Variants in VSTM2L observed in about 807,000 individuals in gnomAD.
VSTM2L encodes the protein V-set and transmembrane domain containing 2 like, also known as V-set and transmembrane domain-containing protein 2-like protein.
VSTM2L carries 9 observed loss-of-function variants against 19.9 expected under a neutral mutation model. The ratio of observed to expected loss-of-function variants is 0.45; its 90% CI spans 0.27 to 0.79. The LOEUF is 0.79. VSTM2L is among the 30% of genes least tolerant of loss of function. The pLI is 0.15. For synonymous variants in VSTM2L, 127 were observed against 133.8 expected (o/e 0.95, Z 0.35); for missense variants, 286 against 295.5 (o/e 0.97, Z 0.24).
chr20:37,922,863 G>C (rs1423021980), intron 1 of VSTM2L, among the ~76,000 whole-genome samples: 1 of 151,780 alleles, frequency 6.6e-6, no homozygotes, highest in African/African-American at 2.4e-5. Flanking sequence ...TGAGCACAGA[G>C]AAGAGCTAGA....
At position 37,931,285 on chromosome 20, in the gene VSTM2L, C is replaced by T. The variant is rs533945224; in HGVS notation, c.122-350C>T. ...AAGAACCTGGAAGAGCTGATGGAAG[C>T]GGCAGCTCCTCCCTGGCCTTCTTGC... is the stretch of plus-strand genomic sequence containing the variant. On this transcript the variant is annotated intron_variant, in intron 1 of 3. Coordinates refer to ENST00000373461, the MANE Select transcript of VSTM2L (RefSeq NM_080607.3). 6.6e-5 allele frequency among the ~76,000 whole-genome samples: 10 copies of T among 152,280 alleles called. No individual in the cohort carries two copies. In the East Asian group the frequency reaches 9.6e-4, roughly 15 times the overall value.
At chr20:37,943,919 C>CGGGGGGGGGGGG in intron 3 of VSTM2L, 62 bp from the exon 4 acceptor site, 1 of 518,966 alleles carries the variant, frequency 1.9e-6, no homozygotes, top group Non-Finnish European at 2.7e-6. Flanking sequence ...CCCCCCCCCC[C>CGGGGGGGGGGGG]GACTCTTCTT....
chr20:37,918,428 G>GA (rs1288587014), intron 1 of VSTM2L, among the ~76,000 whole-genome samples: 3 of 152,258 alleles, frequency 2.0e-5, no homozygotes, highest in South Asian at 2.1e-4. Context: ...TTGTTAATGA[G>GA]AAAAAAACGG....
rs774569448 is a variant in VSTM2L, at chr20:37,935,217, TACCCCCAGCCCCCC to T, written c.342+1641_342+1654del. The stretch of plus-strand genomic sequence containing the variant: ...AATGTGCTCAGCATGAATGTGCAAT[TACCCCCAGCCCCCC>T]ACCCCCAGCCCCTGCAATTCCTGCA... On this transcript the variant is annotated intron_variant, in intron 3 of 3. Transcript: ENST00000373461. 3.3e-5 allele frequency among the ~76,000 whole-genome samples: 5 copies of T among 152,166 alleles called. No homozygotes were observed. The East Asian group carries it at 7.7e-4, about 23-fold the overall frequency.
At chr20:37,939,314 G>C (rs570500133) in intron 3 of VSTM2L, among the ~76,000 whole-genome samples, 5 of 151,922 alleles carry the variant, frequency 3.3e-5, no homozygotes, top group African/African-American at 9.7e-5. Flanking sequence ...GTCGGAGGGG[G>C]TGCTGAAGCG....
intron 1 of VSTM2L, among the ~76,000 whole-genome samples, chr20:37,923,093 G>A (rs1023656802): frequency 6.6e-6 from 1 of 152,168 alleles, no homozygotes; most frequent in Admixed American, 6.5e-5. Flanking sequence ...CCTCTCATCA[G>A]CCCTCTCATT....
intron 1 of VSTM2L, among the ~76,000 whole-genome samples, chr20:37,931,048 C>T (rs975915341): frequency 1.3e-5 from 2 of 152,160 alleles, no homozygotes; most frequent in African/African-American, 2.4e-5. Flanking sequence ...AGAAGGAGAA[C>T]AGCCAGAGCA....
At chr20:37,937,378 C>G (rs1323317594) in intron 3 of VSTM2L, among the ~76,000 whole-genome samples, 1 of 152,178 alleles carries the variant, frequency 6.6e-6, no homozygotes, top group Non-Finnish European at 1.5e-5. Flanking sequence ...CCCTTGGTAG[C>G]TTGCATCTGC....
intron 3 of VSTM2L, among the ~76,000 whole-genome samples, chr20:37,937,325 G>A (rs965223118): frequency 1.3e-4 from 20 of 152,062 alleles, no homozygotes; most frequent in African/African-American, 4.1e-4. Context: ...GAATTATCTC[G>A]TTTAACTTGG....
Position 37,944,647 on chromosome 20 carries a change from T to A in VSTM2L, c.*394T>A. ...CCCCCCAGCCTCGCCTCCCTCCTCCTACCATCCCTCACTTGGACCTGGGGG... is the reference window on the plus strand; with the variant it reads ...CCCCCCAGCCTCGCCTCCCTCCTCCAACCATCCCTCACTTGGACCTGGGGG... On this transcript the variant is annotated 3_prime_UTR_variant, in exon 4 of 4. Coordinates refer to ENST00000373461, the MANE Select transcript of VSTM2L (RefSeq NM_080607.3). 1 of 1,011,968 alleles carries A rather than the reference T, an allele frequency of 9.9e-7. No individual in the cohort carries two copies. The highest frequency in any genetic ancestry group is 1.7e-5 in the African/African-American group (1 of 58,476). The allele number at this position is 1,011,968 out of a possible 1,614,324, so 62.7% of individuals were successfully genotyped here. A position where few individuals can be genotyped will look rare whatever the true frequency, so the allele number is the denominator to read the frequency against.
intron 1 of VSTM2L, among the ~76,000 whole-genome samples, chr20:37,910,363 C>G (rs1403459203): frequency 6.6e-6 from 1 of 152,238 alleles, no homozygotes; most frequent in East Asian, 1.9e-4. Context: ...GGGCATCCAA[C>G]AGGCTGCCCT....
At chr20:37,905,149 C>A (rs1019158413) in intron 1 of VSTM2L, among the ~76,000 whole-genome samples, 1 of 152,122 alleles carries the variant, frequency 6.6e-6, no homozygotes, top group Non-Finnish European at 1.5e-5. Context: ...CCCTCCCATT[C>A]TAGGGAAACT....
intron 1 of VSTM2L, among the ~76,000 whole-genome samples, chr20:37,924,465 A>G (rs1219456645): frequency 6.6e-6 from 1 of 151,558 alleles, no homozygotes; most frequent in Non-Finnish European, 1.5e-5. Context: ...GAGGCAGGAG[A>G]ATCGCTTGAA....
At chr20:37,926,103 C>G (rs1250361032) in intron 1 of VSTM2L, among the ~76,000 whole-genome samples, 1 of 152,168 alleles carries the variant, frequency 6.6e-6, no homozygotes, top group Admixed American at 6.5e-5. Flanking sequence ...CTCTTGTTGC[C>G]CAGGCTGGAG....
chr20:37,915,173 G>A (rs1386538166), intron 1 of VSTM2L, among the ~76,000 whole-genome samples: 3 of 152,136 alleles, frequency 2.0e-5, no homozygotes, highest in Non-Finnish European at 2.9e-5. Context: ...AGAGGGAGGG[G>A]CGGTCGGACA....
chr20:37,944,889 G>T lies in VSTM2L; in HGVS notation c.*636G>T, dbSNP rs143323233. ...CTGTGCGACCCTCCAGGGATGCAGG[G>T]GATCCAGGATTCTCTGCCCTGTCAC... is the stretch of plus-strand genomic sequence containing the variant. On this transcript the variant is annotated 3_prime_UTR_variant, in exon 4 of 4. Transcript: ENST00000373461. 2,657 of 985,946 alleles carry T rather than the reference G, an allele frequency of 2.7e-3. 3 individuals carry two copies. Among genetic ancestry groups the T allele is most frequent in the Non-Finnish European group, 3.1e-3 (2,546 of 830,024 alleles). The allele number at this position is 985,946 out of a possible 1,614,324, so 61.1% of individuals were successfully genotyped here.
At position 37,903,433 on chromosome 20, in the gene VSTM2L, C is replaced by T. The variant is rs1480873231; in HGVS notation, c.83C>T (p.Ala28Val). The change falls in exon 1 of 4, where the codon GCC becomes GTC. Residue 28 changes from alanine (A) to valine (V), a missense_variant. Transcript: ENST00000373461. Reference sequence around the variant, plus strand: ...CAACTCGGCGGCGCCACGCGGCCCGCCGGCCACGCGCCCTGGGACAACCAC... The same window carrying T: ...CAACTCGGCGGCGCCACGCGGCCCGTCGGCCACGCGCCCTGGGACAACCAC... ...FLQLGGATRP[A>V]GHAPWDNHVS... 6.7e-7 allele frequency: 1 copy of T among 1,487,612 alleles called. No individual in the cohort carries two copies. Among genetic ancestry groups the T allele is most frequent in the East Asian group, 2.9e-5 (1 of 34,238 alleles). 92.2% of individuals were successfully genotyped at this position (1,487,612 alleles called of 1,614,324 possible). A position where few individuals can be genotyped will look rare whatever the true frequency, so the allele number is the denominator to read the frequency against.
At chr20:37,906,511 C>T (rs987615832) in intron 1 of VSTM2L, among the ~76,000 whole-genome samples, 1 of 152,194 alleles carries the variant, frequency 6.6e-6, no homozygotes, top group Non-Finnish European at 1.5e-5. Context: ...CTGTGTGCCC[C>T]GTGCTGCCAA....
Position 37,943,974 on chromosome 20 carries a change from C to T in VSTM2L, c.343-7C>T, listed in dbSNP as rs765133243. The T allele has an allele frequency of 2.0e-6, 3 of 1,465,280 alleles. No individual in the cohort carries two copies. The highest frequency in any genetic ancestry group is 2.8e-5 in the East Asian group (1 of 36,224). 90.8% of individuals were successfully genotyped at this position (1,465,280 alleles called of 1,614,324 possible). A position where few individuals can be genotyped will look rare whatever the true frequency, so the allele number is the denominator to read the frequency against. On this transcript the variant is annotated splice_polypyrimidine_tract_variant and splice_region_variant and intron_variant, in intron 3 of 3. Coordinates refer to ENST00000373461, the MANE Select transcript of VSTM2L (RefSeq NM_080607.3). Reference sequence around the variant, plus strand: ...TGGACAGGTCACGGTCTCTCTGTCACCCCCAGGTGGTCAAGGTGGTGGGCA... The same window carrying T: ...TGGACAGGTCACGGTCTCTCTGTCATCCCCAGGTGGTCAAGGTGGTGGGCA...
Sources: gnomAD v4.1 joint callset for allele counts (sites outside exome capture counted in the v4.1 genomes callset) on GRCh38, gnomAD v4.1.1 for gene constraint, MANE v1.5 for transcripts, NCBI Gene and HGNC (gene_info 2026-07-23, HGNC 2026-07-21) for gene names.